Variants in P4HA1 observed in about 807,000 individuals in gnomAD.
P4HA1 encodes the protein prolyl 4-hydroxylase subunit alpha 1.
In P4HA1, 24 loss-of-function variants were observed where a neutral mutation model predicts 72.8. The observed-to-expected ratio is 0.33, with a 90% CI of 0.24 to 0.46. The LOEUF (loss-of-function observed/expected upper bound fraction) is 0.46. Among genes scored for constraint, P4HA1 ranks in the 20% least tolerant of loss-of-function variants. P4HA1 has a pLI of 1.00. For synonymous variants in P4HA1, 201 were observed against 218.8 expected (o/e 0.92, Z 0.72); for missense variants, 446 against 640.6 (o/e 0.70, Z 3.28).
chr10:73,093,053 A>G (rs1265360072), intron 1 of P4HA1, among the ~76,000 whole-genome samples: 1 of 151,762 alleles, frequency 6.6e-6, no homozygotes, highest in African/African-American at 2.4e-5. Flanking sequence ...CCAGGAGTTC[A>G]AGGCTGCAGT....
In P4HA1 at chr10:73,009,895, A is replaced by C; in HGVS notation, c.1446T>G (p.Ala482=). 6.3e-7 allele frequency: 1 copy of C among 1,586,240 alleles called. No individual in the cohort carries two copies. The highest frequency in any genetic ancestry group is 8.7e-7 in the Non-Finnish European group (1 of 1,154,662). The change falls in exon 14 of 15, where the codon GCT becomes GCG. Residue 482 remains alanine, a synonymous_variant. Coordinates refer to ENST00000394890, the MANE Select transcript of P4HA1 (RefSeq NM_001017962.3). The part of the protein sequence containing the change: ...GASVWPKKGT[A]VFWYNLFASG... ...TGGCAAACAGATTATACCAGAAAAC[A>C]GCAGTTCCCTATGGAGAACAATTCA...
chr10:73,013,650 A>G (rs985254375), intron 12 of P4HA1, among the ~76,000 whole-genome samples: 38 of 152,314 alleles, frequency 2.5e-4, no homozygotes, highest in African/African-American at 8.7e-4. Flanking sequence ...AAACACTACA[A>G]TCAAAACTTT....
At chr10:73,071,780 A>T (rs547317329) in intron 4 of P4HA1, among the ~76,000 whole-genome samples, 45 of 152,272 alleles carry the variant, frequency 3.0e-4, no homozygotes, top group African/African-American at 9.9e-4. Context: ...AAATGAAGCT[A>T]TATGCCAAAT....
chr10:73,076,996 C>G (rs963681843), intron 1 of P4HA1, among the ~76,000 whole-genome samples: 2 of 152,204 alleles, frequency 1.3e-5, no homozygotes, highest in African/African-American at 4.8e-5. Flanking sequence ...TAGTCTCCTC[C>G]CTCGAGTTTG....
chr10:73,026,328 C>T (rs866907247), intron 10 of P4HA1, among the ~76,000 whole-genome samples: 38 of 152,248 alleles, frequency 2.5e-4, no homozygotes, highest in African/African-American at 7.0e-4. Context: ...TGATCTTTGA[C>T]GAACCTGACA....
In P4HA1 at chr10:73,010,963, G is replaced by C; in HGVS notation, c.1437+6C>G. The C allele has an allele frequency of 6.2e-7, 1 of 1,609,676 alleles. No individual in the cohort carries two copies. The highest frequency in any genetic ancestry group is 8.5e-7 in the Non-Finnish European group (1 of 1,176,332). Reference sequence around the variant, plus strand: ...AATAAACCAAAAACAAAACAAACAGGCTTACTTTTTTGGGCCAAACACTAG... The same window carrying C: ...AATAAACCAAAAACAAAACAAACAGCCTTACTTTTTTGGGCCAAACACTAG... On this transcript the variant is annotated splice_donor_region_variant and intron_variant, in intron 13 of 14. Transcript: ENST00000394890.
At chr10:73,096,581 G>A (rs748699889) in intron 1 of P4HA1, among the ~76,000 whole-genome samples, 185 bp downstream of exon 1, 6 of 152,324 alleles carry the variant, frequency 3.9e-5, no homozygotes, top group Admixed American at 6.5e-5. Context: ...GGCGCCGGGA[G>A]TCGCGTGGCG....
chr10:73,040,101 C>T (rs887311008), intron 9 of P4HA1, among the ~76,000 whole-genome samples: 4 of 151,482 alleles, frequency 2.6e-5, no homozygotes, highest in Non-Finnish European at 5.9e-5. Context: ...AGCTCCTGGG[C>T]TCAAACCATC....
intron 13 of P4HA1, 100 bp from the exon 14 acceptor site, chr10:73,010,003 C>CCTG: frequency 1.5e-6 from 1 of 654,794 alleles, no homozygotes; most frequent in Non-Finnish European, 2.7e-6. Flanking sequence ...GAGTCTTGCT[C>CCTG]TATCGCCCAG....
chr10:73,027,726 A>AGGAGGGAAGGATGGATGCAGGGAGGGAGG (rs1840316172), intron 10 of P4HA1, among the ~76,000 whole-genome samples: 1 of 140,320 alleles, frequency 7.1e-6, no homozygotes, highest in Non-Finnish European at 1.6e-5. Flanking sequence ...AAGAAAGGAA[A>AGGAGGGAAGGATGGATGCAGGGAGGGAGG]GGAGGGAAGG....
At chr10:73,046,177 T>A (rs1379054555) in intron 8 of P4HA1, among the ~76,000 whole-genome samples, 1 of 152,276 alleles carries the variant, frequency 6.6e-6, no homozygotes, top group Admixed American at 6.5e-5. Context: ...TATTGACCTT[T>A]ATGGAAAAAA....
chr10:73,095,727 G>A (rs1842150268), intron 1 of P4HA1, among the ~76,000 whole-genome samples: 1 of 152,192 alleles, frequency 6.6e-6, no homozygotes, highest in African/African-American at 2.4e-5. Flanking sequence ...ATTCCTAAAA[G>A]AGGATCTAGC....
At chr10:73,014,831 C>CA in intron 11 of P4HA1, among the ~76,000 whole-genome samples, 1 of 139,786 alleles carries the variant, frequency 7.2e-6, no homozygotes, top group East Asian at 2.0e-4. Context: ...TTTCTTTTTT[C>CA]TTTTTTTTTT....
rs202093149 is a variant in P4HA1 at position 73,007,401 on chromosome 10, G to C, written c.*821C>G. On this transcript the variant is annotated 3_prime_UTR_variant, in exon 15 of 15. Transcript: ENST00000394890. Reference sequence around the variant, plus strand: ...TCTCCTAAGGCACAGTATTTAATCAGAATGCCAATATTACCACCCTGCTGT... The same window carrying C: ...TCTCCTAAGGCACAGTATTTAATCACAATGCCAATATTACCACCCTGCTGT... 6.6e-6 allele frequency: 1 copy of C among 152,500 alleles called. No homozygotes were observed. Among genetic ancestry groups the C allele is most frequent in the African/African-American group, 2.4e-5 (1 of 41,414 alleles). The allele number at this position is 152,500 out of a possible 1,614,324, so 9.4% of individuals were successfully genotyped here.
At chr10:73,093,839 T>A (rs1257533865) in intron 1 of P4HA1, among the ~76,000 whole-genome samples, 2 of 33,836 alleles carry the variant, frequency 5.9e-5, no homozygotes, top group Non-Finnish European at 9.4e-5. Context: ...TGAAACTCCA[T>A]CTCAAAAAAA....
chr10:73,070,172 T>TG, intron 4 of P4HA1, among the ~76,000 whole-genome samples: 1 of 128,724 alleles, frequency 7.8e-6, no homozygotes, highest in East Asian at 2.3e-4. Context: ...TTTTTTTTTT[T>TG]TTTGAGATGG....
At chr10:73,030,696 C>A (rs1184063716) in intron 9 of P4HA1, among the ~76,000 whole-genome samples, 2 of 152,136 alleles carry the variant, frequency 1.3e-5, no homozygotes, top group Non-Finnish European at 2.9e-5. Context: ...AAAAACCATA[C>A]CAAACAAAAC....
At chr10:73,095,447 T>C (rs569433248) in intron 1 of P4HA1, among the ~76,000 whole-genome samples, 1 of 151,916 alleles carries the variant, frequency 6.6e-6, no homozygotes, top group South Asian at 2.1e-4. Flanking sequence ...CATCTGATTA[T>C]TTTAGGAAAA....
intron 10 of P4HA1, among the ~76,000 whole-genome samples, chr10:73,018,327 C>G (rs1351900022): frequency 6.6e-6 from 1 of 152,210 alleles, no homozygotes; most frequent in Non-Finnish European, 1.5e-5. Context: ...CTGCACATCC[C>G]AGGGCTGAAG....
Sources: gnomAD v4.1 joint callset for allele counts (sites outside exome capture counted in the v4.1 genomes callset) on GRCh38, gnomAD v4.1.1 for gene constraint, MANE v1.5 for transcripts, NCBI Gene and HGNC (gene_info 2026-07-23, HGNC 2026-07-21) for gene names.